ADK: variants seen among roughly 807,000 people sequenced by gnomAD.
The protein encoded by ADK is adenosine kinase, also known as N6,N6-dimethyladenosine kinase.
In ADK, 24 loss-of-function variants were observed where a neutral mutation model predicts 44.7. That is an observed-to-expected ratio of 0.54 (90% CI 0.39 to 0.76). The LOEUF (loss-of-function observed/expected upper bound fraction) is 0.76. ADK is among the 30% of genes least tolerant of loss of function. The pLI, the probability that ADK is intolerant of heterozygous loss-of-function variation, is 0.00. For missense variants in ADK, 321 were observed against 425.1 expected (o/e 0.76, Z 2.15); for synonymous variants, 128 against 142.6 (o/e 0.90, Z 0.73).
chr10:74,577,818 GCT>G (rs918866147), intron 7 of ADK, among the ~76,000 whole-genome samples: 23 of 152,108 alleles, frequency 1.5e-4, no homozygotes, highest in African/African-American at 5.5e-4. Context: ...AAAAACTAGC[GCT>G]CTCTCTTTAA....
chr10:74,533,106 C>T (rs1215211948), intron 7 of ADK, among the ~76,000 whole-genome samples: 1 of 151,818 alleles, frequency 6.6e-6, no homozygotes, highest in African/African-American at 2.4e-5. Flanking sequence ...TAAACCAGAC[C>T]AAAGATGTAT....
intron 3 of ADK, among the ~76,000 whole-genome samples, chr10:74,283,061 G>A (rs545110144): frequency 5.3e-5 from 8 of 152,194 alleles, no homozygotes; most frequent in African/African-American, 1.9e-4. Context: ...GGAAGCTTTT[G>A]GAGTTCTCAT....
At chr10:74,639,794 C>T (rs1853774787) in intron 9 of ADK, among the ~76,000 whole-genome samples, 2 of 152,078 alleles carry the variant, frequency 1.3e-5, no homozygotes, top group Non-Finnish European at 2.9e-5. Context: ...CGAGATCTCG[C>T]TACTGCACTC....
chr10:74,168,233 T>A (rs1842080054), intron 1 of ADK, among the ~76,000 whole-genome samples: 1 of 152,166 alleles, frequency 6.6e-6, no homozygotes, highest in East Asian at 1.9e-4. Flanking sequence ...GTTGAGTTAA[T>A]GAATGAACAA....
intron 9 of ADK, among the ~76,000 whole-genome samples, chr10:74,645,859 G>A (rs1333476995): frequency 1.3e-5 from 2 of 152,060 alleles, no homozygotes; most frequent in African/African-American, 2.4e-5. Flanking sequence ...GTTCAGCCCT[G>A]CATTTTTTCG....
intron 4 of ADK, among the ~76,000 whole-genome samples, chr10:74,366,577 A>G (rs898807057): frequency 1.3e-5 from 2 of 152,240 alleles, no homozygotes; most frequent in Non-Finnish European, 2.9e-5. Flanking sequence ...GATTACAATC[A>G]ACATTTGTAG....
Position 74,314,672 on chromosome 10 carries a change from A to T in ADK, c.200A>T (p.Asp67Val), listed in dbSNP as rs1840556824. ...LAEDKHKELF[D>V]ELVKKFKVEY... ...CTACTGTGATTTCCTTATAGGTTTG[A>T]TGAACTTGTGAAAAAATTCAAAGTC... Residue 67 changes from aspartate (D) to valine (V), a missense_variant, in exon 4 of 11, where the codon GAT (aspartate) becomes GTT (valine). Physicochemically the swap from Asp to Val is radical, Grantham distance 152. Transcript: ENST00000539909. 6.2e-7 allele frequency: 1 copy of T among 1,611,700 alleles called. No individual in the cohort carries two copies.
intron 3 of ADK, among the ~76,000 whole-genome samples, chr10:74,245,396 A>C (rs1845377836): frequency 6.6e-6 from 1 of 152,104 alleles, no homozygotes; most frequent in South Asian, 2.1e-4. Context: ...TTTGGATTAT[A>C]GTTTTGGAAT....
At chr10:74,177,630 A>G (rs546619154) in intron 1 of ADK, among the ~76,000 whole-genome samples, 29 of 152,280 alleles carry the variant, frequency 1.9e-4, no homozygotes, top group Non-Finnish European at 3.2e-4. Flanking sequence ...AACTATTTAT[A>G]AAAAGAGATA....
At chr10:74,383,792 T>G (rs1237927304) in intron 4 of ADK, among the ~76,000 whole-genome samples, 1 of 152,224 alleles carries the variant, frequency 6.6e-6, no homozygotes, top group East Asian at 1.9e-4. Flanking sequence ...TCTCATGTCC[T>G]TACATCTTCT....
intron 6 of ADK, among the ~76,000 whole-genome samples, chr10:74,413,115 G>A (rs1444931306): frequency 6.6e-6 from 1 of 151,762 alleles, no homozygotes; most frequent in Non-Finnish European, 1.5e-5. Context: ...TCCAGGCTTT[G>A]TTATTTCATT....
chr10:74,305,114 A>C (rs1840199051), intron 3 of ADK, among the ~76,000 whole-genome samples: 1 of 152,218 alleles, frequency 6.6e-6, no homozygotes, highest in Admixed American at 6.5e-5. Context: ...CTGTGTAAGT[A>C]GTTGTTATAC....
At chr10:74,177,624 A>G (rs1842390239) in intron 1 of ADK, among the ~76,000 whole-genome samples, 1 of 152,146 alleles carries the variant, frequency 6.6e-6, no homozygotes, top group Non-Finnish European at 1.5e-5. Flanking sequence ...TAGTTCAACT[A>G]TTTATAAAAA....
chr10:74,417,706 G>A (rs1844420440), intron 6 of ADK, among the ~76,000 whole-genome samples: 2 of 151,456 alleles, frequency 1.3e-5, no homozygotes, highest in Non-Finnish European at 2.9e-5. Flanking sequence ...TTTCTGGGAG[G>A]TGGTAGGATT....
intron 8 of ADK, among the ~76,000 whole-genome samples, chr10:74,590,394 C>G (rs1851676420): frequency 6.6e-6 from 1 of 152,082 alleles, no homozygotes; most frequent in Admixed American, 6.6e-5. Flanking sequence ...GTTTGTGAAA[C>G]TCTTTTTAAA....
intron 6 of ADK, among the ~76,000 whole-genome samples, chr10:74,510,590 C>G (rs1309845052): frequency 6.6e-6 from 1 of 151,986 alleles, no homozygotes; most frequent in Non-Finnish European, 1.5e-5. Flanking sequence ...TTTATTTTTA[C>G]TTTTGTTGCT....
At chr10:74,655,052 C>A (rs980112902) in intron 9 of ADK, 1 of 223,274 alleles carries the variant, frequency 4.5e-6, no homozygotes, top group African/African-American at 2.4e-5. Flanking sequence ...GCGACTGGCA[C>A]CCCTTCACCC....
At chr10:74,182,217 A>T (rs540861258) in intron 1 of ADK, among the ~76,000 whole-genome samples, 1 of 151,816 alleles carries the variant, frequency 6.6e-6, no homozygotes, top group South Asian at 2.1e-4. Flanking sequence ...GTGTTTTTAA[A>T]ATACGAATTG....
At chr10:74,513,788 G>A (rs1848448337) in intron 6 of ADK, among the ~76,000 whole-genome samples, 1 of 152,008 alleles carries the variant, frequency 6.6e-6, no homozygotes, top group African/African-American at 2.4e-5. Context: ...TTTTCTGGTG[G>A]TTTGTATATC....
Sources: allele counts gnomAD v4.1 joint callset (sites outside exome capture counted in the v4.1 genomes callset), GRCh38; gene constraint gnomAD v4.1.1; transcripts MANE v1.5; gene names NCBI Gene and HGNC (gene_info 2026-07-23, HGNC 2026-07-21).